Variants in MUC5AC observed in about 807,000 individuals in gnomAD.
The protein encoded by MUC5AC is mucin-5AC.
MUC5AC carries 158 observed loss-of-function variants against 169.7 expected under a neutral mutation model. That is an observed-to-expected ratio of 0.93 (90% CI 0.82 to 1.06). MUC5AC has a LOEUF of 1.06. Ranked by LOEUF, MUC5AC falls within the 50% of genes least tolerant of loss-of-function variation. The pLI is 0.00. For missense variants in MUC5AC, 4,359 were observed against 3,089.9 expected (o/e 1.41, Z -9.74); for synonymous variants, 1,975 against 1,237.0 (o/e 1.60, Z -12.52).
chr11:1,162,717 C>G lies in MUC5AC; in HGVS notation c.588+71C>G, dbSNP rs542072635. The G allele has an allele frequency of 2.3e-5, 33 of 1,441,818 alleles. No individual in the cohort carries two copies. The Admixed American group carries it at 3.6e-4, about 16-fold the overall frequency. 89.3% of individuals were successfully genotyped at this position (1,441,818 alleles called of 1,614,324 possible). A position where few individuals can be genotyped will look rare whatever the true frequency, so the allele number is the denominator to read the frequency against. ...GGGCCGGCCTGCTCCCACAGCCTCTCCGGAGAGGGTAGAAGGTGCCCTGGG... is the reference window on the plus strand; with the variant it reads ...GGGCCGGCCTGCTCCCACAGCCTCTGCGGAGAGGGTAGAAGGTGCCCTGGG... On this transcript the variant is annotated intron_variant, in intron 5 of 48. Coordinates refer to ENST00000621226, the MANE Select transcript of MUC5AC (RefSeq NM_001304359.2).
chr11:1,163,758 A>G (rs1208413756), intron 6 of MUC5AC, 124 bp from the exon 7 acceptor site: 1 of 723,572 alleles, frequency 1.4e-6, no homozygotes, highest in Non-Finnish European at 2.4e-6. Flanking sequence ...CAGATGGGGC[A>G]GGAGCCACCG....
In MUC5AC at chr11:1,187,023, C is replaced by T. The variant is rs1860967804; in HGVS notation, c.8878C>T (p.Pro2960Ser). ...PVPTTSTISV[P>S]TTSTTSASTT... ...TCCTACCACCAGCACAATCTCTGTT[C>T]CTACCACCAGCACAACTTCTGCTTC... Residue 2960 changes from proline (P) to serine (S), a missense_variant, in exon 31 of 49, where the codon CCT becomes TCT. Pro to Ser is a moderately conservative substitution (Grantham distance 74, BLOSUM62 -1). Coordinates refer to ENST00000621226, the MANE Select transcript of MUC5AC (RefSeq NM_001304359.2). 1.3e-6 allele frequency: 1 copy of T among 745,242 alleles called. No individual in the cohort carries two copies. Among genetic ancestry groups the T allele is most frequent in the Non-Finnish European group, 2.5e-6 (1 of 408,004 alleles). The allele number at this position is 745,242 out of a possible 1,614,324, so 46.2% of individuals were successfully genotyped here.
chr11:1,164,280 G>C lies in MUC5AC; in HGVS notation c.964G>C (p.Gly322Arg). Residue 322 changes from glycine to arginine, a missense_variant, in exon 8 of 49, where the codon GGG becomes CGG. Gly to Arg is a moderately radical substitution (Grantham distance 125). Coordinates refer to ENST00000621226, the MANE Select transcript of MUC5AC (RefSeq NM_001304359.2). ...GTACTCCCGGCAGTGCACCCATGCA[G>C]GGGGGTTGCCCCAGGACTGGCGGGG... ...AEYSRQCTHA[G>R]GLPQDWRGPD... 1 of 1,612,366 alleles carries C rather than the reference G, an allele frequency of 6.2e-7. No individual in the cohort carries two copies. The highest frequency in any genetic ancestry group is 8.5e-7 in the Non-Finnish European group (1 of 1,179,852).
chr11:1,175,697 TTCATACTCATGCACAC>T (rs1860660122), intron 19 of MUC5AC, among the ~76,000 whole-genome samples: 1 of 30,742 alleles, frequency 3.3e-5, no homozygotes, highest in African/African-American at 1.3e-4. Context: ...CACACACCCA[TTCATACTCATGCACAC>T]GCTCACACAC....
At chr11:1,172,568 GCCTCAC>G (rs1860573628) in intron 16 of MUC5AC, 45 bp downstream of exon 16, 1 of 398,610 alleles carries the variant, frequency 2.5e-6, no homozygotes, top group Non-Finnish European at 4.4e-6. Context: ...CAGCCACTGA[GCCTCAC>G]GGCTGCCTCC....
Position 1,188,106 on chromosome 11 carries a change from G to A in MUC5AC, c.9961G>A (p.Glu3321Lys), listed in dbSNP as rs1554928482. 2.3e-5 allele frequency: 17 copies of A among 737,294 alleles called. No homozygotes were observed. Among genetic ancestry groups the A allele is most frequent in the African/African-American group, 1.4e-4 (8 of 58,318 alleles). 45.7% of individuals were successfully genotyped at this position (737,294 alleles called of 1,614,324 possible). Residue 3321 changes from glutamate (E) to lysine (K), a missense_variant, in exon 31 of 49, where the codon GAG (glutamate) becomes AAG (lysine). Transcript: ENST00000621226. ...LNYEVRVLCC[E>K]TPKGCPVTST... ...CTACGAGGTGCGTGTGCTCTGCTGC[G>A]AGACCCCTAAAGGTTGCCCCGTGAC...
intron 15 of MUC5AC, among the ~76,000 whole-genome samples, chr11:1,169,861 T>TTCACCCAC (rs1860448168): frequency 2.0e-5 from 1 of 50,530 alleles, no homozygotes; most frequent in Non-Finnish European, 4.0e-5. Flanking sequence ...GACTCACCCA[T>TTCACCCAC]TCACCCACTC....
chr11:1,170,516 TTCAC>T (rs1372093506), intron 15 of MUC5AC, among the ~76,000 whole-genome samples: 4 of 42,466 alleles, frequency 9.4e-5, no homozygotes, highest in African/African-American at 2.0e-4. Context: ...GACTCAACCA[TTCAC>T]TCACCCATTC....
chr11:1,165,427 C>T lies in MUC5AC; in HGVS notation c.1247+8C>T. ...CACAGACTGCACCAACTGGTAGGTC[C>T]CAGCCCCCCTCCAGGCCACCAAGGA... is the stretch of plus-strand genomic sequence containing the variant. On this transcript the variant is annotated splice_region_variant and intron_variant, in intron 10 of 48. Coordinates refer to ENST00000621226, the MANE Select transcript of MUC5AC (RefSeq NM_001304359.2). 1 of 1,514,262 alleles carries T rather than the reference C, an allele frequency of 6.6e-7. No individual in the cohort carries two copies. Among genetic ancestry groups the T allele is most frequent in the Non-Finnish European group, 8.8e-7 (1 of 1,140,660 alleles). 93.8% of individuals were successfully genotyped at this position (1,514,262 alleles called of 1,614,324 possible).
At chr11:1,160,276 G>C (rs549581165) in intron 1 of MUC5AC, among the ~76,000 whole-genome samples, 1 of 152,242 alleles carries the variant, frequency 6.6e-6, no homozygotes, top group South Asian at 2.1e-4. Flanking sequence ...GGGGTCCCAA[G>C]CGTGGCAGCG....
Position 1,185,538 on chromosome 11 carries a change from A to G in MUC5AC, c.7393A>G (p.Thr2465Ala). ...VPTTSTTSAP[T>A]TRTTSAPKSS... ...CACGACCAGCACAACCTCTGCCCCTACAACAAGAACAACTTCTGCTCCTAA... is the reference window on the plus strand; with the variant it reads ...CACGACCAGCACAACCTCTGCCCCTGCAACAAGAACAACTTCTGCTCCTAA... Residue 2465 changes from threonine to alanine, a missense_variant, in exon 31 of 49, where the codon ACA (threonine) becomes GCA (alanine). By Grantham distance (58) the Thr-to-Ala change is moderately conservative. Coordinates refer to ENST00000621226, the MANE Select transcript of MUC5AC (RefSeq NM_001304359.2). 1.4e-6 allele frequency: 1 copy of G among 720,562 alleles called. No individual in the cohort carries two copies. Among genetic ancestry groups the G allele is most frequent in the Non-Finnish European group, 2.5e-6 (1 of 395,224 alleles). The allele number at this position is 720,562 out of a possible 1,614,324, so 44.6% of individuals were successfully genotyped here.
intron 24 of MUC5AC, among the ~76,000 whole-genome samples, 156 bp downstream of exon 24, chr11:1,177,789 G>T (rs1860722969): frequency 6.6e-6 from 1 of 152,184 alleles, no homozygotes; most frequent in Non-Finnish European, 1.5e-5. Flanking sequence ...CTTGGCAAGG[G>T]CAGCGGGTCA....
chr11:1,181,908 T>A lies in MUC5AC; in HGVS notation c.4010-247T>A, dbSNP rs920178893. On this transcript the variant is annotated intron_variant, in intron 30 of 48. Transcript: ENST00000621226. ...GTAGAAAGCTCTGGAACTCACGTGT[T>A]CTGGGGCACAGATGTGTGGACCCTG... Among the ~76,000 whole-genome samples the A allele has an allele frequency of 2.0e-5, 3 of 152,322 alleles. No individual in the cohort carries two copies. In the South Asian group the frequency reaches 6.2e-4, roughly 32 times the overall value.
intron 24 of MUC5AC, 63 bp from the exon 25 acceptor site, chr11:1,178,381 C>T (rs1051497087): frequency 8.7e-5 from 37 of 427,440 alleles, no homozygotes; most frequent in Non-Finnish European, 1.3e-4. Context: ...GGCCTAGGGG[C>T]AGGGTGGCTC....
chr11:1,168,577 C>A (rs2133726937), intron 13 of MUC5AC, 25 bp downstream of exon 13: 1 of 1,612,510 alleles, frequency 6.2e-7, no homozygotes, highest in Non-Finnish European at 8.5e-7. Context: ...TTCTTCCCCA[C>A]CCCGGGGCTG....
chr11:1,199,508 C>T lies in MUC5AC; in HGVS notation c.16515+18C>T, dbSNP rs778901609. 62 of 704,264 alleles carry T rather than the reference C, an allele frequency of 8.8e-5. No homozygotes were observed. The highest frequency in any genetic ancestry group is 4.4e-4 in the Admixed American group (22 of 50,214). 43.6% of individuals were successfully genotyped at this position (704,264 alleles called of 1,614,324 possible). ...GTTCTCTGGTGAGGTCCAGGATCCC[C>T]GCTCCAGCCAAGGGGGGCTTCACCC... On this transcript the variant is annotated intron_variant, in intron 46 of 48. Transcript: ENST00000621226.
At chr11:1,198,848 G>A in intron 43 of MUC5AC, 26 bp from the exon 44 acceptor site, 1 of 714,496 alleles carries the variant, frequency 1.4e-6, no homozygotes, top group Non-Finnish European at 2.5e-6. Context: ...AAGCTCATGA[G>A]TGTCTGCTGC....
At position 1,190,863 on chromosome 11, in the gene MUC5AC, A is replaced by C; in HGVS notation, c.12718A>C (p.Ser4240Arg). The C allele has an allele frequency of 1.3e-6, 1 of 742,866 alleles. No homozygotes were observed. The highest frequency in any genetic ancestry group is 2.5e-6 in the Non-Finnish European group (1 of 406,928). The allele number at this position is 742,866 out of a possible 1,614,324, so 46.0% of individuals were successfully genotyped here. Residue 4240 changes from serine (S) to arginine (R), a missense_variant, in exon 31 of 49, where the codon AGC becomes CGC. Coordinates refer to ENST00000621226, the MANE Select transcript of MUC5AC (RefSeq NM_001304359.2). ...TTSTTSASTT[S>R]TTSAPTTSTT... is the part of the protein sequence containing the mutation. ...CAGCACAACCTCTGCCTCTACAACC[A>C]GCACAACTTCTGCTCCTACAACCAG...
chr11:1,192,457 C>T lies in MUC5AC; in HGVS notation c.14312C>T (p.Ala4771Val). ...ASTSVASSSVASSSVAYSTQT... is the reference protein window; with the variant it reads ...ASTSVASSSVVSSSVAYSTQT... ...ACCTCTGTGGCATCCAGCTCTGTGGCATCCAGCTCTGTGGCTTACTCCACC... is the reference window on the plus strand; with the variant it reads ...ACCTCTGTGGCATCCAGCTCTGTGGTATCCAGCTCTGTGGCTTACTCCACC... Residue 4771 changes from alanine (A) to valine (V), a missense_variant, in exon 31 of 49, where the codon GCA becomes GTA. By Grantham distance (64) the Ala-to-Val change is moderately conservative. Transcript: ENST00000621226. 1 of 765,166 alleles carries T rather than the reference C, an allele frequency of 1.3e-6. No homozygotes were observed. Among genetic ancestry groups the T allele is most frequent in the Non-Finnish European group, 2.4e-6 (1 of 417,900 alleles). The allele number at this position is 765,166 out of a possible 1,614,324, so 47.4% of individuals were successfully genotyped here.
Sources: gnomAD v4.1 joint callset for allele counts (sites outside exome capture counted in the v4.1 genomes callset) on GRCh38, gnomAD v4.1.1 for gene constraint, MANE v1.5 for transcripts, NCBI Gene and HGNC (gene_info 2026-07-23, HGNC 2026-07-21) for gene names.